The following PDE7B variants were observed in gnomAD, a reference collection of about 807,000 sequenced individuals.
PDE7B encodes 3',5'-cyclic-AMP phosphodiesterase 7B.
PDE7B carries 29 observed loss-of-function variants against 56.2 expected under a neutral mutation model. The ratio of observed to expected loss-of-function variants is 0.52; its 90% CI spans 0.38 to 0.70. The LOEUF (loss-of-function observed/expected upper bound fraction) is 0.70. Ranked by LOEUF, PDE7B falls within the 30% of genes least tolerant of loss-of-function variation. The pLI, the probability that PDE7B is intolerant of heterozygous loss-of-function variation, is 0.00. For synonymous variants in PDE7B, 197 were observed against 196.9 expected (o/e 1.00, Z 0.00); for missense variants, 490 against 565.0 (o/e 0.87, Z 1.35).
At chr6:136,060,608 A>C (rs1717972736) in intron 2 of PDE7B, among the ~76,000 whole-genome samples, 1 of 152,220 alleles carries the variant, frequency 6.6e-6, no homozygotes, top group South Asian at 2.1e-4. Context: ...CTTAATTCTT[A>C]TAACAACCCT....
At chr6:135,940,573 T>C (rs556054472) in intron 1 of PDE7B, among the ~76,000 whole-genome samples, 1 of 152,226 alleles carries the variant, frequency 6.6e-6, no homozygotes, top group Non-Finnish European at 1.5e-5. Flanking sequence ...AGATATCTTT[T>C]TATGCTCTAC....
chr6:135,871,589 ATAAATGT>A (rs2128186775), intron 1 of PDE7B, among the ~76,000 whole-genome samples: 1 of 152,366 alleles, frequency 6.6e-6, no homozygotes, highest in African/African-American at 2.4e-5. Flanking sequence ...TGTAGAAAAC[ATAAATGT>A]TGAATTGAGA....
At chr6:135,931,614 A>G (rs1245458400) in intron 1 of PDE7B, among the ~76,000 whole-genome samples, 1 of 152,208 alleles carries the variant, frequency 6.6e-6, no homozygotes, top group African/African-American at 2.4e-5. Flanking sequence ...AATAAAAACA[A>G]TGGAATATAT....
intron 1 of PDE7B, among the ~76,000 whole-genome samples, chr6:135,945,678 T>C (rs1016685229): frequency 2.6e-5 from 4 of 152,070 alleles, no homozygotes; most frequent in African/African-American, 9.7e-5. Context: ...ACAACAAAGA[T>C]TGATGGGAAT....
At chr6:135,963,908 C>T (rs1328393719) in intron 2 of PDE7B, among the ~76,000 whole-genome samples, 1 of 152,076 alleles carries the variant, frequency 6.6e-6, no homozygotes, top group East Asian at 1.9e-4. Context: ...CAGTGTGCAG[C>T]TGAGGTCCAG....
intron 8 of PDE7B, among the ~76,000 whole-genome samples, chr6:136,157,970 T>C (rs993145513): frequency 1.3e-5 from 2 of 152,234 alleles, no homozygotes; most frequent in African/African-American, 2.4e-5. Context: ...CTCTCTTTTG[T>C]AGTAACTTCA....
chr6:135,937,146 G>A (rs1305441865), intron 1 of PDE7B, among the ~76,000 whole-genome samples: 1 of 152,210 alleles, frequency 6.6e-6, no homozygotes, highest in Non-Finnish European at 1.5e-5. Flanking sequence ...TAAGGGTCCT[G>A]TTCAGTGTGG....
At chr6:136,137,560 A>C (rs1240710648) in intron 3 of PDE7B, among the ~76,000 whole-genome samples, 2 of 152,068 alleles carry the variant, frequency 1.3e-5, no homozygotes, top group Non-Finnish European at 2.9e-5. Flanking sequence ...CGACTTCTGG[A>C]AACAGTTGAC....
At chr6:136,023,041 G>C (rs1363118310) in intron 2 of PDE7B, among the ~76,000 whole-genome samples, 1 of 151,950 alleles carries the variant, frequency 6.6e-6, no homozygotes, top group Non-Finnish European at 1.5e-5. Context: ...CTCTGCCAAG[G>C]GACTCTAAAA....
At chr6:135,883,847 T>A (rs1389677485) in intron 1 of PDE7B, among the ~76,000 whole-genome samples, 1 of 152,168 alleles carries the variant, frequency 6.6e-6, no homozygotes, top group African/African-American at 2.4e-5. Context: ...TGTACTCAGA[T>A]CACCAGTGAA....
intron 2 of PDE7B, among the ~76,000 whole-genome samples, chr6:136,096,492 T>C (rs1777472906): frequency 6.6e-6 from 1 of 151,742 alleles, no homozygotes; most frequent in South Asian, 2.1e-4. Flanking sequence ...TTTTTTTTTT[T>C]TTTTTGGCAG....
chr6:135,913,351 G>T (rs2128194123), intron 1 of PDE7B, among the ~76,000 whole-genome samples: 1 of 152,238 alleles, frequency 6.6e-6, no homozygotes, highest in African/African-American at 2.4e-5. Context: ...GCCTGGTGCT[G>T]CCACCTCACC....
intron 2 of PDE7B, among the ~76,000 whole-genome samples, chr6:136,039,175 G>A (rs1776375210): frequency 6.6e-6 from 1 of 152,182 alleles, no homozygotes; most frequent in Admixed American, 6.5e-5. Flanking sequence ...AATGTGCTGT[G>A]TTTGGGACGG....
At chr6:136,053,673 C>A (rs149463209) in intron 2 of PDE7B, among the ~76,000 whole-genome samples, 1 of 152,148 alleles carries the variant, frequency 6.6e-6, no homozygotes, top group Non-Finnish European at 1.5e-5. Context: ...ACAGTCCCAC[C>A]AACATTGTAA....
intron 2 of PDE7B, among the ~76,000 whole-genome samples, chr6:136,106,341 G>A (rs754885914): frequency 6.6e-6 from 1 of 152,114 alleles, no homozygotes; most frequent in Non-Finnish European, 1.5e-5. Context: ...GAGGATCTAA[G>A]ATTTTCATTT....
At chr6:135,984,256 G>A (rs1389147496) in intron 2 of PDE7B, among the ~76,000 whole-genome samples, 2 of 152,202 alleles carry the variant, frequency 1.3e-5, no homozygotes, top group African/African-American at 2.4e-5. Flanking sequence ...TTCATCGGAA[G>A]ACCTGAAAGT....
intron 2 of PDE7B, chr6:136,072,627 T>C (rs1777068638): frequency 6.6e-6 from 1 of 152,250 alleles, no homozygotes; most frequent in Non-Finnish European, 1.5e-5. Flanking sequence ...GGTTAGAGTA[T>C]TTCGGACAGA....
intron 2 of PDE7B, among the ~76,000 whole-genome samples, chr6:136,018,673 T>A (rs1007823175): frequency 6.6e-6 from 1 of 152,042 alleles, no homozygotes; most frequent in Non-Finnish European, 1.5e-5. Flanking sequence ...TCCAACAAAG[T>A]TTTTATGTTT....
chr6:135,977,951 G>A (rs6902161), intron 2 of PDE7B, among the ~76,000 whole-genome samples: 2 of 152,078 alleles, frequency 1.3e-5, no homozygotes, highest in Non-Finnish European at 2.9e-5. Context: ...GTATATACAT[G>A]TGTATACTGT....
Sources: allele counts gnomAD v4.1 joint callset (sites outside exome capture counted in the v4.1 genomes callset), GRCh38; gene constraint gnomAD v4.1.1; transcripts MANE v1.5; gene names NCBI Gene and HGNC (gene_info 2026-07-23, HGNC 2026-07-21).